Variants in MKLN1 observed in about 807,000 individuals in gnomAD.
The protein encoded by MKLN1 is muskelin 1.
Under a neutral mutation model 99.0 loss-of-function variants are expected in MKLN1, and 18 were observed. That is an observed-to-expected ratio of 0.18 (90% CI 0.13 to 0.27). The LOEUF (loss-of-function observed/expected upper bound fraction) is 0.27. Among genes scored for constraint, MKLN1 ranks in the 10% least tolerant of loss-of-function variants. MKLN1 has a pLI of 1.00. For missense variants in MKLN1, 621 were observed against 875.9 expected (o/e 0.71, Z 3.67); for synonymous variants, 288 against 293.2 (o/e 0.98, Z 0.18).
rs1369901170 is a variant in MKLN1, at chr7:131,167,048, T to A, written c.-297+24107T>A. On this transcript the variant is annotated intron_variant, in intron 2 of 7. Coordinates refer to the MKLN1 transcript ENST00000416992. The stretch of plus-strand genomic sequence containing the variant: ...ATCATCCTGTACAGAACAGCAACAC[T>A]TCCCCCGCCACATCCCCTCTCTCCA... Among the ~76,000 whole-genome samples the A allele has an allele frequency of 2.0e-5, 3 of 152,168 alleles. No homozygotes were observed. In the East Asian group the frequency reaches 5.8e-4, roughly 29 times the overall value.
intron 1 of MKLN1, among the ~76,000 whole-genome samples, chr7:131,124,894 G>C (rs1486301939): frequency 6.6e-6 from 1 of 152,174 alleles, no homozygotes; most frequent in African/African-American, 2.4e-5. Flanking sequence ...CATTGCTAGG[G>C]TAAGGCTAAA....
intron 1 of MKLN1, among the ~76,000 whole-genome samples, chr7:131,330,698 G>T (rs1048428248): frequency 6.6e-6 from 1 of 152,096 alleles, no homozygotes. Flanking sequence ...TTTTAGTTGT[G>T]TAAAGAAATG....
intron 1 of MKLN1, among the ~76,000 whole-genome samples, chr7:131,369,490 T>C (rs1800280628): frequency 6.6e-6 from 1 of 152,164 alleles, no homozygotes. Flanking sequence ...TTGGTCATAG[T>C]TTATTGGCTA....
chr7:131,182,796 C>A (rs1796394390), intron 2 of MKLN1, among the ~76,000 whole-genome samples: 1 of 152,146 alleles, frequency 6.6e-6, no homozygotes, highest in Non-Finnish European at 1.5e-5. Context: ...ATGAACTATG[C>A]ACTAGAGTAC....
chr7:131,425,101 T>C (rs1013734972), intron 8 of MKLN1, among the ~76,000 whole-genome samples: 1 of 152,200 alleles, frequency 6.6e-6, no homozygotes, highest in Non-Finnish European at 1.5e-5. Context: ...ATGGGATAGA[T>C]ACTGTATCAC....
chr7:131,469,091 C>T (rs1277080286), intron 15 of MKLN1, among the ~76,000 whole-genome samples: 1 of 152,050 alleles, frequency 6.6e-6, no homozygotes, highest in African/African-American at 2.4e-5. Flanking sequence ...TCCTGTCCTA[C>T]TGACTACTGC....
chr7:131,224,065 C>T (rs1301885465), intron 3 of MKLN1, among the ~76,000 whole-genome samples: 1 of 152,004 alleles, frequency 6.6e-6, no homozygotes, highest in African/African-American at 2.4e-5. Flanking sequence ...AACCCACCTG[C>T]ATTTGCATCT....
intron 3 of MKLN1, among the ~76,000 whole-genome samples, chr7:131,222,963 AC>A (rs1343895007): frequency 1.3e-5 from 2 of 151,978 alleles, no homozygotes; most frequent in African/African-American, 4.8e-5. Flanking sequence ...AATGGTTTGA[AC>A]CCCGGAGGTG....
chr7:131,206,117 C>A (rs2116420126), intron 3 of MKLN1, among the ~76,000 whole-genome samples: 1 of 152,192 alleles, frequency 6.6e-6, no homozygotes, highest in East Asian at 1.9e-4. Context: ...TGGTCTCGAA[C>A]TCCTGACCTC....
Position 131,185,088 on chromosome 7 carries a change from A to G in MKLN1, c.-296-17769A>G, listed in dbSNP as rs182554210. Among the ~76,000 whole-genome samples, 7 of 152,272 alleles carry G rather than the reference A, an allele frequency of 4.6e-5. No homozygotes were observed. In the East Asian group the frequency reaches 1.2e-3, roughly 25 times the overall value. On this transcript the variant is annotated intron_variant, in intron 2 of 7. Coordinates refer to the MKLN1 transcript ENST00000416992. ...AGAGGGTGGTGGGAGAAATCAGATC[A>G]GAGTTCAGAATGCACCGTAATGCTC...
chr7:131,225,453 A>G (rs747411675), intron 3 of MKLN1, among the ~76,000 whole-genome samples: 9 of 152,196 alleles, frequency 5.9e-5, no homozygotes, highest in African/African-American at 1.2e-4. Flanking sequence ...CACTCAGTCC[A>G]TAGCAGCTGG....
At chr7:131,176,323 G>A (rs1796298443) in intron 2 of MKLN1, among the ~76,000 whole-genome samples, 1 of 151,968 alleles carries the variant, frequency 6.6e-6, no homozygotes. Flanking sequence ...TTGATTTTGT[G>A]ATACTAAAAA....
chr7:131,264,814 A>G (rs1358436957), intron 3 of MKLN1, among the ~76,000 whole-genome samples: 1 of 152,080 alleles, frequency 6.6e-6, no homozygotes, highest in Non-Finnish European at 1.5e-5. Flanking sequence ...AATTAGTAAA[A>G]TACATTTTCT....
chr7:131,136,773 G>A (rs560540820), intron 1 of MKLN1, among the ~76,000 whole-genome samples: 2 of 152,118 alleles, frequency 1.3e-5, no homozygotes, highest in African/African-American at 2.4e-5. Context: ...CTTTGCCCAC[G>A]CTGTTCCCTG....
At position 131,495,510 on chromosome 7, in the gene MKLN1, C is replaced by A. The variant is rs1008275126; in HGVS notation, c.*7782C>A. The A allele has an allele frequency of 6.6e-6, 1 of 151,986 alleles. No individual in the cohort carries two copies. The highest frequency in any genetic ancestry group is 6.6e-5 in the Admixed American group (1 of 15,236). 9.4% of individuals were successfully genotyped at this position (151,986 alleles called of 1,614,324 possible). On this transcript the variant is annotated 3_prime_UTR_variant, in exon 18 of 18. Transcript: ENST00000352689. ...AATTACTAAGTATAAAGAAGAAAAA[C>A]CAGTATTAATTAAGTGATGAGACCT...
At chr7:131,237,448 C>T (rs1797340564) in intron 3 of MKLN1, among the ~76,000 whole-genome samples, 1 of 152,108 alleles carries the variant, frequency 6.6e-6, no homozygotes, top group African/African-American at 2.4e-5. Flanking sequence ...AATGACTTGT[C>T]TAAGGTGACA....
intron 3 of MKLN1, among the ~76,000 whole-genome samples, chr7:131,282,247 G>T (rs1372476675): frequency 3.3e-5 from 5 of 151,706 alleles, no homozygotes; most frequent in Non-Finnish European, 5.9e-5. Flanking sequence ...TACTTGGGAG[G>T]CTGAGGCAGG....
At chr7:131,218,438 AG>A (rs1563256212) in intron 3 of MKLN1, among the ~76,000 whole-genome samples, 1 of 152,196 alleles carries the variant, frequency 6.6e-6, no homozygotes, top group East Asian at 1.9e-4. Flanking sequence ...GAGCAAGTAG[AG>A]GGGGTTAGTT....
chr7:131,326,172 T>G (rs1424584482), upstream of MKLN1, among the ~76,000 whole-genome samples: 1 of 152,172 alleles, frequency 6.6e-6, no homozygotes, highest in Non-Finnish European at 1.5e-5. Context: ...AAGTGTCTAT[T>G]TTCTTCAAAG....
Sources: allele counts gnomAD v4.1 joint callset (sites outside exome capture counted in the v4.1 genomes callset), GRCh38; gene constraint gnomAD v4.1.1; transcripts MANE v1.5; gene names NCBI Gene and HGNC (gene_info 2026-07-23, HGNC 2026-07-21).